Variants in PTPN3 observed in about 807,000 individuals in gnomAD.
PTPN3 encodes tyrosine-protein phosphatase non-receptor type 3.
PTPN3 carries 96 observed loss-of-function variants against 132.7 expected under a neutral mutation model. The observed-to-expected ratio is 0.72, with a 90% CI of 0.61 to 0.86. PTPN3 has a LOEUF of 0.86. Ranked by LOEUF, PTPN3 falls within the 40% of genes least tolerant of loss-of-function variation. The pLI is 0.00. For synonymous variants in PTPN3, 398 were observed against 429.0 expected (o/e 0.93, Z 0.89); for missense variants, 1,125 against 1,159.6 (o/e 0.97, Z 0.43).
chr9:109,460,350 C>T (rs976570614), intron 2 of PTPN3, among the ~76,000 whole-genome samples: 4 of 152,166 alleles, frequency 2.6e-5, no homozygotes, highest in Admixed American at 2.6e-4. Context: ...ATCATCTCCG[C>T]CCTGGACTGC....
intron 1 of PTPN3, among the ~76,000 whole-genome samples, chr9:109,487,878 A>T (rs1444662315): frequency 2.0e-5 from 3 of 152,184 alleles, no homozygotes; most frequent in Non-Finnish European, 4.4e-5. Flanking sequence ...AGACATGGGT[A>T]CCAGTTCCTA....
chr9:109,391,266 G>A, intron 20 of PTPN3, 67 bp from the exon 21 acceptor site: 1 of 1,482,726 alleles, frequency 6.7e-7, no homozygotes, highest in South Asian at 1.2e-5. Context: ...GTAAACCAGA[G>A]TTCAGTTCCC....
intron 19 of PTPN3, among the ~76,000 whole-genome samples, chr9:109,402,027 A>T (rs1325686400): frequency 1.3e-5 from 2 of 152,192 alleles, no homozygotes; most frequent in East Asian, 3.9e-4. Flanking sequence ...CCTTGGGGCC[A>T]GAAACTCCCC....
Position 109,379,391 on chromosome 9 carries a change from T to C in PTPN3, c.*165A>G. The C allele has an allele frequency of 1.6e-6, 1 of 616,788 alleles. No individual in the cohort carries two copies. The highest frequency in any genetic ancestry group is 2.9e-6 in the Non-Finnish European group (1 of 348,168). The allele number at this position is 616,788 out of a possible 1,614,324, so 38.2% of individuals were successfully genotyped here. ...TTGCATGCTTATCTACACCAGTTCCTATGTACACGATATCTTTTCTATAGA... is the reference window on the plus strand; with the variant it reads ...TTGCATGCTTATCTACACCAGTTCCCATGTACACGATATCTTTTCTATAGA... On this transcript the variant is annotated 3_prime_UTR_variant, in exon 26 of 26. Coordinates refer to ENST00000374541, the MANE Select transcript of PTPN3 (RefSeq NM_002829.4).
rs1042716482 is a variant in PTPN3 at position 109,377,846 on chromosome 9, G to C, written c.*1710C>G. The C allele has an allele frequency of 2.0e-5, 3 of 152,182 alleles. No homozygotes were observed. The highest frequency in any genetic ancestry group is 2.9e-5 in the Non-Finnish European group (2 of 68,040). 9.4% of individuals were successfully genotyped at this position (152,182 alleles called of 1,614,324 possible). On this transcript the variant is annotated 3_prime_UTR_variant, in exon 26 of 26. Transcript: ENST00000374541. ...GTAGAGCTTCTAAGCAACCAGGCCCGCAAGTAGTTAGTGCTGAGTGGGCGT... is the reference window on the plus strand; with the variant it reads ...GTAGAGCTTCTAAGCAACCAGGCCCCCAAGTAGTTAGTGCTGAGTGGGCGT...
upstream of PTPN3, among the ~76,000 whole-genome samples, chr9:109,499,375 G>A (rs1044736365): frequency 2.6e-5 from 4 of 152,100 alleles, no homozygotes; most frequent in Admixed American, 2.0e-4. Flanking sequence ...ATTCCTGGCC[G>A]AGGGAACAGC....
chr9:109,427,208 G>T, intron 11 of PTPN3, 86 bp from the exon 12 acceptor site: 2 of 1,429,918 alleles, frequency 1.4e-6, no homozygotes, highest in Non-Finnish European at 1.9e-6. Flanking sequence ...GTGAAATGAG[G>T]TAAGATGCAA....
At chr9:109,520,709 G>T in the PTPN3 span, among the ~76,000 whole-genome samples, 2 of 152,172 alleles carry the variant, frequency 1.3e-5, no homozygotes, top group Admixed American at 1.3e-4. Context: ...CCGTGGCCTG[G>T]TTTGTTAAAT....
chr9:109,454,365 T>C (rs1040274492), intron 5 of PTPN3, 131 bp downstream of exon 5: 2 of 788,480 alleles, frequency 2.5e-6, no homozygotes, highest in South Asian at 1.7e-5. Context: ...AGATTTTTAC[T>C]TGGATCATCA....
chr9:109,536,958 C>T, the PTPN3 span, among the ~76,000 whole-genome samples: 5 of 151,442 alleles, frequency 3.3e-5, no homozygotes, highest in African/African-American at 9.7e-5. Flanking sequence ...AATATGAAGT[C>T]GCAAATGAAA....
At position 109,463,465 on chromosome 9, in the gene PTPN3, T is replaced by C. The variant is rs755961812; in HGVS notation, c.-17-14A>G. On this transcript the variant is annotated splice_polypyrimidine_tract_variant and intron_variant, in intron 1 of 25. Coordinates refer to ENST00000374541, the MANE Select transcript of PTPN3 (RefSeq NM_002829.4). ...TCGCTGAATAACCTGTAACATAAAA[T>C]ATACCTGTTAGTGCTTTAATATGCG... is the stretch of plus-strand genomic sequence containing the variant. The C allele has an allele frequency of 6.3e-7, 1 of 1,596,286 alleles. No individual in the cohort carries two copies. Among genetic ancestry groups the C allele is most frequent in the Admixed American group, 1.8e-5 (1 of 55,742 alleles).
At chr9:109,487,757 G>C (rs1300019784) in intron 1 of PTPN3, among the ~76,000 whole-genome samples, 1 of 152,212 alleles carries the variant, frequency 6.6e-6, no homozygotes, top group Non-Finnish European at 1.5e-5. Context: ...TCTATAGTCA[G>C]AGAAATGCCA....
chr9:109,393,384 CTT>C (rs929613549), intron 19 of PTPN3, among the ~76,000 whole-genome samples: 6 of 119,894 alleles, frequency 5.0e-5, no homozygotes, highest in Non-Finnish European at 5.4e-5. Flanking sequence ...TTTTTTTTGT[CTT>C]TTTTTTTTTT....
At chr9:109,482,134 C>T (rs1450859836) in intron 1 of PTPN3, among the ~76,000 whole-genome samples, 2 of 152,194 alleles carry the variant, frequency 1.3e-5, no homozygotes, top group South Asian at 2.1e-4. Context: ...CTTGTGTCAG[C>T]GCTAACACAG....
At position 109,471,348 on chromosome 9, in the gene PTPN3, G is replaced by A. The variant is rs188569831; in HGVS notation, c.-17-7897C>T. 1.6e-3 allele frequency among the ~76,000 whole-genome samples: 246 copies of A among 152,280 alleles called. 1 individual carries two copies. Among genetic ancestry groups the A allele is most frequent in the African/African-American group, 5.6e-3 (234 of 41,562 alleles). Reference sequence around the variant, plus strand: ...GCTGGGATTACAGGCGTGAGCCATCGTGCCCGGCCCACATACACTTTATTT... The same window carrying A: ...GCTGGGATTACAGGCGTGAGCCATCATGCCCGGCCCACATACACTTTATTT... On this transcript the variant is annotated intron_variant, in intron 1 of 25. Transcript: ENST00000374541.
upstream of PTPN3, among the ~76,000 whole-genome samples, chr9:109,502,145 A>G (rs1202535378): frequency 6.6e-6 from 1 of 152,232 alleles, no homozygotes; most frequent in Non-Finnish European, 1.5e-5. Context: ...ATCTAAACAT[A>G]GTTATTAGCA....
chr9:109,524,862 C>T, the PTPN3 span, among the ~76,000 whole-genome samples: 3 of 151,936 alleles, frequency 2.0e-5, no homozygotes, highest in East Asian at 1.9e-4. Flanking sequence ...CTCTGCCTCC[C>T]GAGTAGCTGG....
intron 5 of PTPN3, chr9:109,449,135 A>G: frequency 8.1e-7 from 1 of 1,236,566 alleles, no homozygotes; most frequent in Non-Finnish European, 1.0e-6. Flanking sequence ...TGGGGTGGAA[A>G]CAGCCCACCA....
intron 1 of PTPN3, among the ~76,000 whole-genome samples, chr9:109,484,054 C>T (rs1464555309): frequency 6.6e-6 from 1 of 152,198 alleles, no homozygotes; most frequent in Non-Finnish European, 1.5e-5. Flanking sequence ...CACTCTGTCG[C>T]GAGCTGCCAT....
Sources: allele counts gnomAD v4.1 joint callset (sites outside exome capture counted in the v4.1 genomes callset), GRCh38; gene constraint gnomAD v4.1.1; transcripts MANE v1.5; gene names NCBI Gene and HGNC (gene_info 2026-07-23, HGNC 2026-07-21).